CNTN4: variants seen among roughly 807,000 people sequenced by gnomAD.
The protein encoded by CNTN4 is contactin-4.
A neutral mutation model predicts 122.5 loss-of-function variants in CNTN4; 77 were observed. That is an observed-to-expected ratio of 0.63 (90% CI 0.52 to 0.76). The LOEUF is 0.76. Ranked by LOEUF, CNTN4 falls within the 30% of genes least tolerant of loss-of-function variation. The probability of loss-of-function intolerance (pLI) is 0.00; values close to 1 mark genes in which losing one functional copy is unlikely to be tolerated. For missense variants in CNTN4, 1,256 were observed against 1,259.1 expected (o/e 1.00, Z 0.04); for synonymous variants, 512 against 447.0 (o/e 1.15, Z -1.83).
chr3:2,241,774 G>C (rs1035134084), intron 2 of CNTN4, among the ~76,000 whole-genome samples: 3 of 152,074 alleles, frequency 2.0e-5, no homozygotes, highest in South Asian at 2.1e-4. Flanking sequence ...AGCAATCCAG[G>C]CTTGTTCAGT....
intron 3 of CNTN4, among the ~76,000 whole-genome samples, chr3:2,509,897 G>A (rs1207009419): frequency 6.6e-6 from 1 of 152,150 alleles, no homozygotes; most frequent in Non-Finnish European, 1.5e-5. Flanking sequence ...AAATCCCAGA[G>A]CTCTTCTGAT....
chr3:2,613,648 ATGATCAGAGT>A (rs2081592396), intron 4 of CNTN4, among the ~76,000 whole-genome samples: 2 of 152,290 alleles, frequency 1.3e-5, no homozygotes, highest in South Asian at 4.1e-4. Flanking sequence ...TTTTTGCTAT[ATGATCAGAGT>A]TACACTATAA....
At chr3:2,805,218 G>T (rs1680513399) in intron 6 of CNTN4, among the ~76,000 whole-genome samples, 2 of 151,030 alleles carry the variant, frequency 1.3e-5, no homozygotes, top group Admixed American at 6.6e-5. Flanking sequence ...GTAGCATCCT[G>T]ATCACTGTTG....
chr3:2,367,026 C>T (rs951183023), intron 3 of CNTN4, among the ~76,000 whole-genome samples: 4 of 152,022 alleles, frequency 2.6e-5, no homozygotes, highest in Admixed American at 6.6e-5. Flanking sequence ...TATGTGGTCT[C>T]TTGAATCTCC....
At chr3:2,261,159 T>C (rs1175777858) in intron 2 of CNTN4, among the ~76,000 whole-genome samples, 2 of 152,214 alleles carry the variant, frequency 1.3e-5, no homozygotes, top group Non-Finnish European at 2.9e-5. Context: ...TTCCTAATTT[T>C]TTTTTCCCAC....
chr3:2,853,550 T>C (rs2093582293), intron 7 of CNTN4, among the ~76,000 whole-genome samples: 4 of 151,940 alleles, frequency 2.6e-5, no homozygotes, highest in Admixed American at 2.0e-4. Flanking sequence ...GCCTAATTTA[T>C]TGATTTTTTT....
chr3:2,615,264 T>C (rs1005453601), intron 4 of CNTN4, among the ~76,000 whole-genome samples: 1 of 152,194 alleles, frequency 6.6e-6, no homozygotes, highest in Non-Finnish European at 1.5e-5. Context: ...TTGCATAAGT[T>C]GCTAATCAAT....
intron 14 of CNTN4, among the ~76,000 whole-genome samples, chr3:2,995,695 G>A (rs1264012787): frequency 6.6e-6 from 1 of 152,188 alleles, no homozygotes; most frequent in Non-Finnish European, 1.5e-5. Flanking sequence ...TGTGTGGTGT[G>A]ATTTTTTTAC....
At chr3:2,259,279 G>A (rs57187193) in intron 2 of CNTN4, among the ~76,000 whole-genome samples, 27,827 of 152,084 alleles carry the variant, frequency 0.18, 2,793 homozygotes, top group East Asian at 0.44. Flanking sequence ...AGTGAAAATC[G>A]TCACTAATGT....
At chr3:2,261,179 T>G (rs1343250792) in intron 2 of CNTN4, among the ~76,000 whole-genome samples, 1 of 152,226 alleles carries the variant, frequency 6.6e-6, no homozygotes, top group Non-Finnish European at 1.5e-5. Flanking sequence ...CGTAGTTTAT[T>G]GCATACTATT....
chr3:2,230,936 C>A (rs2039460943), intron 2 of CNTN4, among the ~76,000 whole-genome samples: 1 of 151,964 alleles, frequency 6.6e-6, no homozygotes. Flanking sequence ...TGCTATGAGC[C>A]ATGATCATGC....
chr3:2,099,651 T>A (rs2031725478), intron 1 of CNTN4: 1 of 152,326 alleles, frequency 6.6e-6, no homozygotes, highest in South Asian at 2.1e-4. Context: ...TTAGGGAAGG[T>A]ACCTGGCTTC....
intron 2 of CNTN4, among the ~76,000 whole-genome samples, chr3:2,305,569 T>C (rs2042672158): frequency 6.6e-6 from 1 of 152,212 alleles, no homozygotes; most frequent in Non-Finnish European, 1.5e-5. Flanking sequence ...GTACTTTCTC[T>C]TTATGTTGAC....
chr3:2,965,700 A>AT (rs1692235721), intron 13 of CNTN4, among the ~76,000 whole-genome samples: 1 of 152,152 alleles, frequency 6.6e-6, no homozygotes, highest in Non-Finnish European at 1.5e-5. Context: ...TTATCCTGGG[A>AT]TAAAGTCTTT....
At chr3:2,264,690 C>T (rs899185103) in intron 2 of CNTN4, among the ~76,000 whole-genome samples, 1 of 151,778 alleles carries the variant, frequency 6.6e-6, no homozygotes, top group Non-Finnish European at 1.5e-5. Context: ...GAGGCCTTAC[C>T]CCAAAAATCT....
intron 4 of CNTN4, 161 bp from the exon 5 acceptor site, chr3:2,736,054 C>T: frequency 1.3e-6 from 1 of 783,240 alleles, no homozygotes; most frequent in Non-Finnish European, 2.3e-6. Context: ...GAAGATTAAC[C>T]TTCAATGGGA....
intron 7 of CNTN4, among the ~76,000 whole-genome samples, chr3:2,840,973 C>T (rs981084236): frequency 1.3e-5 from 2 of 152,114 alleles, no homozygotes; most frequent in Admixed American, 6.5e-5. Flanking sequence ...TTTCTCTGCT[C>T]ATTGCCAGGG....
intron 3 of CNTN4, among the ~76,000 whole-genome samples, chr3:2,352,518 G>A (rs934897451): frequency 4.6e-5 from 7 of 152,330 alleles, no homozygotes; most frequent in Middle Eastern, 3.4e-3. Flanking sequence ...CCCTGGCAGC[G>A]AGAGGCTTAG....
chr3:2,835,304 A>G (rs1401455880), intron 7 of CNTN4, among the ~76,000 whole-genome samples: 1 of 152,170 alleles, frequency 6.6e-6, no homozygotes, highest in Admixed American at 6.6e-5. Flanking sequence ...TAGTATATAA[A>G]GCTAAAAGTT....
Sources: gnomAD v4.1 joint callset for allele counts (sites outside exome capture counted in the v4.1 genomes callset) on GRCh38, gnomAD v4.1.1 for gene constraint, MANE v1.5 for transcripts, NCBI Gene and HGNC (gene_info 2026-07-23, HGNC 2026-07-21) for gene names.